The following ASPRV1 variants were observed in gnomAD, a reference collection of about 807,000 sequenced individuals.
ASPRV1 encodes the protein retroviral-like aspartic protease 1.
In ASPRV1, 7 loss-of-function variants were observed where a neutral mutation model predicts 11.0. That is an observed-to-expected ratio of 0.64 (90% CI 0.36 to 1.20). The LOEUF (loss-of-function observed/expected upper bound fraction) is 1.20. ASPRV1 is among the 50% of genes most tolerant of loss of function. The probability of loss-of-function intolerance (pLI) is 0.02; values close to 1 mark genes in which losing one functional copy is unlikely to be tolerated. For synonymous variants in ASPRV1, 136 were observed against 138.4 expected, an observed-to-expected ratio of 0.98 and a Z score of 0.12; for missense variants, 299 against 320.0, an observed-to-expected ratio of 0.93 and a Z score of 0.50.
the ASPRV1 span, chr2:69,942,859 A>G: frequency 6.6e-6 from 1 of 152,164 alleles, no homozygotes; most frequent in Non-Finnish European, 1.5e-5. Context: ...AGAAACTACT[A>G]CATGTTTTAG....
At chr2:69,973,163 T>TA in the ASPRV1 span, among the ~76,000 whole-genome samples, 6 of 152,144 alleles carry the variant, frequency 3.9e-5, no homozygotes, top group Admixed American at 2.0e-4. Flanking sequence ...TTACAAATAA[T>TA]AAAAAATATA....
At chr2:70,079,302 G>C in the ASPRV1 span, among the ~76,000 whole-genome samples, 1 of 151,038 alleles carries the variant, frequency 6.6e-6, no homozygotes, top group Non-Finnish European at 1.5e-5. Flanking sequence ...GTGAGACCCT[G>C]TCTCTACAAA....
At chr2:69,935,755 T>A in the ASPRV1 span, among the ~76,000 whole-genome samples, 1 of 152,202 alleles carries the variant, frequency 6.6e-6, no homozygotes, top group Non-Finnish European at 1.5e-5. Flanking sequence ...CTCCAAGGCC[T>A]AAATATTTTG....
At chr2:70,036,430 G>A in the ASPRV1 span, among the ~76,000 whole-genome samples, 4 of 152,196 alleles carry the variant, frequency 2.6e-5, no homozygotes, top group East Asian at 1.9e-4. Flanking sequence ...AGCAACTAGC[G>A]TGGGCGGGTG....
At chr2:70,028,847 C>A in the ASPRV1 span, among the ~76,000 whole-genome samples, 3 of 152,078 alleles carry the variant, frequency 2.0e-5, no homozygotes, top group African/African-American at 7.2e-5. Flanking sequence ...GAGGCTGAGG[C>A]AGGAGAATCA....
Position 69,960,820 on chromosome 2 carries a change from T to C in ASPRV1, c.617A>G (p.Gln206Arg). The C allele has an allele frequency of 6.2e-7, 1 of 1,614,164 alleles. No homozygotes were observed. ...AAAGTCCAGGATAGCATTGTGGTCC[T>C]GGAGCACATCAGTGCCAATGATGGC... ...EEAIIGTDVL[Q>R]DHNAILDFEH... Residue 206 changes from glutamine to arginine, a missense_variant, in exon 1 of 1, where the codon CAG (glutamine) becomes CGG (arginine). Gln to Arg is a conservative substitution (Grantham distance 43). Coordinates refer to ENST00000320256, the MANE Select transcript of ASPRV1 (RefSeq NM_152792.4).
downstream of ASPRV1, chr2:69,960,048 C>G (rs1462226884): frequency 6.6e-6 from 1 of 152,532 alleles, no homozygotes; most frequent in Admixed American, 6.5e-5. Flanking sequence ...ATGCTGACTC[C>G]CTCTCACATT....
the ASPRV1 span, among the ~76,000 whole-genome samples, chr2:70,012,536 G>C: frequency 6.6e-6 from 1 of 152,158 alleles, no homozygotes; most frequent in Non-Finnish European, 1.5e-5. Context: ...TGATGCAAAA[G>C]CAACAGTATT....
the ASPRV1 span, chr2:70,070,379 T>A: frequency 6.6e-6 from 1 of 152,144 alleles, no homozygotes; most frequent in Non-Finnish European, 1.5e-5. Context: ...AGACTAGGAC[T>A]AGTATTCCAA....
At chr2:70,071,072 G>A in the ASPRV1 span, among the ~76,000 whole-genome samples, 5 of 152,144 alleles carry the variant, frequency 3.3e-5, no homozygotes, top group African/African-American at 1.2e-4. Context: ...GCCATTTTGT[G>A]AGCTCTGATG....
chr2:70,086,675 G>A, the ASPRV1 span, among the ~76,000 whole-genome samples: 17 of 152,374 alleles, frequency 1.1e-4, no homozygotes, highest in Admixed American at 7.8e-4. Context: ...TGTTTCTAAT[G>A]TCGGAAAAGG....
At chr2:70,051,752 T>C in the ASPRV1 span, among the ~76,000 whole-genome samples, 5 of 152,044 alleles carry the variant, frequency 3.3e-5, no homozygotes, top group Non-Finnish European at 5.9e-5. Flanking sequence ...GGAGGGAGGA[T>C]TGCTTGAACC....
the ASPRV1 span, among the ~76,000 whole-genome samples, chr2:69,991,884 C>G: frequency 6.6e-6 from 1 of 152,212 alleles, no homozygotes; most frequent in Non-Finnish European, 1.5e-5. Context: ...CATTGCTCAG[C>G]AAGTTTCTCT....
At chr2:69,963,106 T>C (rs555971329), upstream of ASPRV1, 260 of 370,952 alleles carry the variant, frequency 7.0e-4, 2 homozygotes, top group African/African-American at 5.1e-3. Flanking sequence ...TGCCTCTGGA[T>C]GGCCCAGGTC....
At chr2:69,984,656 T>C in the ASPRV1 span, among the ~76,000 whole-genome samples, 1 of 136,570 alleles carries the variant, frequency 7.3e-6, no homozygotes, top group Admixed American at 7.6e-5. Flanking sequence ...AGTCTTGCTC[T>C]GTCACCCAGG....
the ASPRV1 span, chr2:70,083,463 C>A: frequency 1.3e-5 from 2 of 152,248 alleles, no homozygotes; most frequent in Admixed American, 1.3e-4. Context: ...CTGTATGTAG[C>A]ATAAATCCTG....
At chr2:69,942,506 A>AT in the ASPRV1 span, 1 of 152,210 alleles carries the variant, frequency 6.6e-6, no homozygotes, top group Non-Finnish European at 1.5e-5. Context: ...GTGAGAATTC[A>AT]TAAGGCACCC....
At chr2:69,990,613 G>A in the ASPRV1 span, among the ~76,000 whole-genome samples, 5 of 151,946 alleles carry the variant, frequency 3.3e-5, no homozygotes, top group South Asian at 2.1e-4. Flanking sequence ...GCCACACTTC[G>A]CTAATTTTTT....
At chr2:69,970,547 A>C in the ASPRV1 span, among the ~76,000 whole-genome samples, 15 of 152,188 alleles carry the variant, frequency 9.9e-5, no homozygotes, top group Non-Finnish European at 1.9e-4. Flanking sequence ...AACACTGAGA[A>C]GTCAACTAAG....
Sources: allele counts gnomAD v4.1 joint callset (sites outside exome capture counted in the v4.1 genomes callset), GRCh38; gene constraint gnomAD v4.1.1; transcripts MANE v1.5; gene names NCBI Gene and HGNC (gene_info 2026-07-23, HGNC 2026-07-21).